Variants in NALF1 observed in about 807,000 individuals in gnomAD.
NALF1 encodes the protein NALCN channel auxiliary factor 1, also known as family with sequence similarity 155 member A.
In NALF1, 3 loss-of-function variants were observed where a neutral mutation model predicts 48.4. That is an observed-to-expected ratio of 0.06 (90% CI 0.03 to 0.16). The LOEUF (loss-of-function observed/expected upper bound fraction) is 0.16, where lower values mean the gene tolerates loss of function less well. Among genes scored for constraint, NALF1 ranks in the 10% least tolerant of loss-of-function variants. The pLI, the probability that NALF1 is intolerant of heterozygous loss-of-function variation, is 1.00. For synonymous variants in NALF1, 262 were observed against 245.7 expected, an observed-to-expected ratio of 1.07 and a Z score of -0.62; for missense variants, 526 against 571.5, an observed-to-expected ratio of 0.92 and a Z score of 0.81.
chr13:107,504,645 T>C (rs967847102), intron 1 of NALF1, among the ~76,000 whole-genome samples: 5 of 152,120 alleles, frequency 3.3e-5, no homozygotes, highest in African/African-American at 9.7e-5. Context: ...CCCCTAAATA[T>C]GACCTCAACT....
rs73597332 is a variant in NALF1 at position 107,651,702 on chromosome 13, C to T, written c.915+213980G>A. ...CACACCTTCACCTTCCAGGACTTCC[C>T]GCTGTCTCTGAACTCAGCTTGTTAT... On this transcript the variant is annotated intron_variant, in intron 1 of 2. Coordinates refer to ENST00000375915, the MANE Select transcript of NALF1 (RefSeq NM_001080396.3). 1.7e-3 allele frequency among the ~76,000 whole-genome samples: 253 copies of T among 152,266 alleles called. 1 individual carries two copies. The highest frequency in any genetic ancestry group is 5.9e-3 in the African/African-American group (245 of 41,560).
chr13:107,291,971 C>T (rs535125889), intron 1 of NALF1, among the ~76,000 whole-genome samples: 3 of 152,186 alleles, frequency 2.0e-5, no homozygotes, highest in Admixed American at 6.5e-5. Context: ...ATAAAATATC[C>T]TGCTCCTATT....
At chr13:107,405,703 G>C (rs1425425898) in intron 1 of NALF1, among the ~76,000 whole-genome samples, 1 of 151,928 alleles carries the variant, frequency 6.6e-6, no homozygotes, top group East Asian at 1.9e-4. Flanking sequence ...TAAAGAGGAA[G>C]GAATGAGGTC....
chr13:107,361,726 A>G (rs1883063771), intron 1 of NALF1, among the ~76,000 whole-genome samples: 1 of 152,202 alleles, frequency 6.6e-6, no homozygotes, highest in Non-Finnish European at 1.5e-5. Flanking sequence ...ACGGTAACCA[A>G]ATACATATTA....
At chr13:107,809,986 C>T (rs1315961753) in intron 1 of NALF1, among the ~76,000 whole-genome samples, 16 of 151,950 alleles carry the variant, frequency 1.1e-4, no homozygotes, top group Admixed American at 9.9e-4. Flanking sequence ...TTCTTCTCTC[C>T]TATTTTACCA....
chr13:107,383,738 T>G (rs1450981332), intron 1 of NALF1, among the ~76,000 whole-genome samples: 1 of 152,206 alleles, frequency 6.6e-6, no homozygotes, highest in African/African-American at 2.4e-5. Flanking sequence ...CAACATGCAC[T>G]TGTTCCCTTA....
At chr13:107,221,736 C>T (rs1167841429) in intron 1 of NALF1, among the ~76,000 whole-genome samples, 1 of 151,766 alleles carries the variant, frequency 6.6e-6, no homozygotes, top group Non-Finnish European at 1.5e-5. Context: ...GGACAAAGTC[C>T]CACAGCAAAA....
chr13:107,518,617 C>T (rs1359938308), intron 1 of NALF1, among the ~76,000 whole-genome samples: 1 of 151,928 alleles, frequency 6.6e-6, no homozygotes, highest in Non-Finnish European at 1.5e-5. Context: ...CTTGAGCTGC[C>T]ATTTTAGGGT....
chr13:107,714,095 A>G (rs1258456368), intron 1 of NALF1, among the ~76,000 whole-genome samples: 1 of 152,242 alleles, frequency 6.6e-6, no homozygotes, highest in Non-Finnish European at 1.5e-5. Flanking sequence ...TGACTTCACC[A>G]TATAATGAAT....
intron 1 of NALF1, among the ~76,000 whole-genome samples, chr13:107,426,405 T>C (rs1884281873): frequency 6.6e-6 from 1 of 152,198 alleles, no homozygotes; most frequent in Non-Finnish European, 1.5e-5. Context: ...TAAAAAAGTT[T>C]AGAAAGTTTA....
At chr13:107,391,869 G>A (rs1883633148) in intron 1 of NALF1, among the ~76,000 whole-genome samples, 1 of 152,016 alleles carries the variant, frequency 6.6e-6, no homozygotes, top group Admixed American at 6.6e-5. Context: ...GCTGTACCCT[G>A]ACCACCTTGG....
Position 107,312,666 on chromosome 13 carries a change from C to A in NALF1, c.916-101911G>T, listed in dbSNP as rs142603288. On this transcript the variant is annotated intron_variant, in intron 1 of 2. Transcript: ENST00000375915. ...ACGTCAAAGAAAATCAGAGGAGAAC[C>A]CTACATCTTTTACGAAATTAAGAGA... Among the ~76,000 whole-genome samples, 305 of 152,196 alleles carry A rather than the reference C, an allele frequency of 2.0e-3. 1 individual carries two copies. The highest frequency in any genetic ancestry group is 6.8e-3 in the African/African-American group (281 of 41,522).
intron 1 of NALF1, among the ~76,000 whole-genome samples, chr13:107,672,553 G>T (rs141327675): frequency 1.3e-5 from 2 of 152,138 alleles, no homozygotes; most frequent in African/African-American, 2.4e-5. Context: ...GAGAGTCAAG[G>T]CTGCCCAGCT....
intron 1 of NALF1, among the ~76,000 whole-genome samples, chr13:107,818,871 CAAAA>C (rs774372636): frequency 1.0e-3 from 75 of 73,806 alleles, no homozygotes; most frequent in Middle Eastern, 8.9e-3. Flanking sequence ...GACTCCGTCT[CAAAA>C]AAAAAAAAAA....
rs941419135 is a variant in NALF1, at chr13:107,727,431, A to T, written c.915+138251T>A. ...ATTTTCAGAACTTGGGAGCTGCTGT[A>T]CACCCCTCTAGGACCTGCCTCACAT... is the stretch of plus-strand genomic sequence containing the variant. On this transcript the variant is annotated intron_variant, in intron 1 of 2. Transcript: ENST00000375915. Among the ~76,000 whole-genome samples the T allele has an allele frequency of 6.6e-5, 10 of 152,104 alleles. No individual in the cohort carries two copies. The South Asian group carries it at 2.1e-3, about 32-fold the overall frequency.
chr13:107,715,498 G>A (rs935467731), intron 1 of NALF1, among the ~76,000 whole-genome samples: 1 of 152,190 alleles, frequency 6.6e-6, no homozygotes, highest in East Asian at 1.9e-4. Flanking sequence ...CACCGTCCCC[G>A]GCCTTTTATA....
rs770338449 is a variant in NALF1 at position 107,866,108 on chromosome 13, C to A, written c.489G>T (p.Lys163Asn). ...AACAAGTCTCCAGGCGCCACACGGGCTTGGCAGAGTTTCCTAGAAAAAGAG... is the reference window on the plus strand; with the variant it reads ...AACAAGTCTCCAGGCGCCACACGGGATTGGCAGAGTTTCCTAGAAAAAGAG... Reference protein sequence around the residue: ...GKALFLGNSAKPVWRLETCYP... With the variant: ...GKALFLGNSANPVWRLETCYP... Residue 163 changes from lysine to asparagine, a missense_variant, in exon 1 of 3, where the codon AAG becomes AAT. Around this residue, in one of 2 missense-constraint regions of NALF1, gnomAD observed 373 missense variants for 355.5 expected, o/e 1.05. Transcript: ENST00000375915. This position sits in a 1 kb window ranked among gnomAD's most constrained non-coding sequence, Gnocchi z 4.4. 6.2e-7 allele frequency: 1 copy of A among 1,612,854 alleles called. No individual in the cohort carries two copies. The highest frequency in any genetic ancestry group is 1.1e-5 in the South Asian group (1 of 91,074).
chr13:107,302,793 A>T (rs1468257794), intron 1 of NALF1, among the ~76,000 whole-genome samples: 1 of 152,228 alleles, frequency 6.6e-6, no homozygotes, highest in Admixed American at 6.5e-5. Context: ...TATTTTAGGC[A>T]CTGCAGGCTA....
At chr13:107,472,102 C>A (rs547323211) in intron 1 of NALF1, among the ~76,000 whole-genome samples, 43 of 152,232 alleles carry the variant, frequency 2.8e-4, no homozygotes, top group African/African-American at 1.0e-3. Context: ...GAGGCTGAGG[C>A]AGGCAGATCA....
Sources: allele counts gnomAD v4.1 joint callset (sites outside exome capture counted in the v4.1 genomes callset), GRCh38; gene constraint gnomAD v4.1.1; regional missense constraint gnomAD v4.1.1; non-coding constraint Gnocchi (gnomAD v3.1); transcripts MANE v1.5; gene names NCBI Gene and HGNC (gene_info 2026-07-23, HGNC 2026-07-21).